EYA2: variants seen among roughly 807,000 people sequenced by gnomAD.
The protein encoded by EYA2 is protein phosphatase EYA2.
A neutral mutation model predicts 69.2 loss-of-function variants in EYA2; 31 were observed. The observed-to-expected ratio is 0.45, with a 90% CI of 0.34 to 0.60. The LOEUF is 0.60. Among genes scored for constraint, EYA2 ranks in the 20% least tolerant of loss-of-function variants. The pLI is 0.02. For missense variants in EYA2, 622 were observed against 701.2 expected (o/e 0.89, Z 1.28); for synonymous variants, 257 against 279.4 (o/e 0.92, Z 0.80).
intron 12 of EYA2, among the ~76,000 whole-genome samples, chr20:47,173,397 C>T (rs1457237236): frequency 6.6e-6 from 1 of 151,056 alleles, no homozygotes; most frequent in Non-Finnish European, 1.5e-5. Flanking sequence ...AGACCAACCA[C>T]ATCAGCATCC....
At chr20:46,931,845 G>A (rs1232754387) in intron 1 of EYA2, among the ~76,000 whole-genome samples, 1 of 152,018 alleles carries the variant, frequency 6.6e-6, no homozygotes. Flanking sequence ...CGTCCAAGCT[G>A]ATCAAGCATT....
chr20:46,954,600 G>A (rs1009010634), intron 1 of EYA2, among the ~76,000 whole-genome samples: 3 of 152,146 alleles, frequency 2.0e-5, no homozygotes, highest in Non-Finnish European at 2.9e-5. Context: ...ATACCATGCC[G>A]ATGAGTGGCC....
At chr20:47,006,360 G>A (rs1568719445) in intron 4 of EYA2, among the ~76,000 whole-genome samples, 1 of 152,234 alleles carries the variant, frequency 6.6e-6, no homozygotes, top group Non-Finnish European at 1.5e-5. Flanking sequence ...AGAAACTACA[G>A]ATAGCCACTC....
In EYA2 at chr20:47,172,561, T is replaced by C. The variant is rs976631441; in HGVS notation, c.1038-146T>C. ...AGCTGTGGTCCTGCTGCCCCCCAAA[T>C]GCACACTCGCAGCACCCTGTGCATT... is the stretch of plus-strand genomic sequence containing the variant. On this transcript the variant is annotated intron_variant, in intron 11 of 15. Coordinates refer to ENST00000327619, the MANE Select transcript of EYA2 (RefSeq NM_005244.5). 5 of 687,816 alleles carry C rather than the reference T, an allele frequency of 7.3e-6. No individual in the cohort carries two copies. The Admixed American group carries it at 1.4e-4, about 20-fold the overall frequency. The allele number at this position is 687,816 out of a possible 1,614,324, so 42.6% of individuals were successfully genotyped here.
intron 9 of EYA2, among the ~76,000 whole-genome samples, chr20:47,097,700 A>G (rs914836231): frequency 3.9e-5 from 6 of 152,226 alleles, no homozygotes; most frequent in Non-Finnish European, 5.9e-5. Context: ...GGCAAATGCT[A>G]TTGGCTGAAT....
At chr20:46,987,278 T>C (rs990921014) in intron 1 of EYA2, among the ~76,000 whole-genome samples, 2 of 152,214 alleles carry the variant, frequency 1.3e-5, no homozygotes, top group African/African-American at 2.4e-5. Context: ...CACTGAAATA[T>C]GAATTTCGTG....
chr20:47,061,103 C>G (rs2030861172), intron 5 of EYA2, among the ~76,000 whole-genome samples: 1 of 152,086 alleles, frequency 6.6e-6, no homozygotes, highest in African/African-American at 2.4e-5. Flanking sequence ...ATCCACCCAC[C>G]TTGGCCTCCC....
chr20:47,136,936 C>T (rs537018292), intron 9 of EYA2, among the ~76,000 whole-genome samples: 4 of 152,154 alleles, frequency 2.6e-5, no homozygotes, highest in East Asian at 3.9e-4. Context: ...CATTAGGGCA[C>T]GCTAAGAAAA....
At chr20:46,940,474 GC>G (rs992209731) in intron 1 of EYA2, among the ~76,000 whole-genome samples, 4 of 152,168 alleles carry the variant, frequency 2.6e-5, no homozygotes, top group African/African-American at 9.7e-5. Flanking sequence ...TAACTGCTCT[GC>G]CAACGCTACT....
In EYA2 at chr20:47,074,154, C is replaced by G. The variant is rs1228279618; in HGVS notation, c.484-4C>G. On this transcript the variant is annotated splice_region_variant and splice_polypyrimidine_tract_variant and intron_variant, in intron 6 of 15. Transcript: ENST00000327619. ...ATGTCCTTGGTTTGTTTTTCTCTTC[C>G]CAGGACTATCCTTCCTACCCCGGCT... The G allele has an allele frequency of 1.2e-6, 2 of 1,606,998 alleles. No individual in the cohort carries two copies. The highest frequency in any genetic ancestry group is 1.7e-5 in the Admixed American group (1 of 59,624).
At chr20:47,011,069 A>G (rs544294002) in intron 4 of EYA2, among the ~76,000 whole-genome samples, 1 of 152,280 alleles carries the variant, frequency 6.6e-6, no homozygotes, top group African/African-American at 2.4e-5. Flanking sequence ...GATTGCAGAC[A>G]TGAGCCACCA....
chr20:46,995,401 A>ATTCC (rs1981953673), intron 2 of EYA2, among the ~76,000 whole-genome samples: 1 of 152,172 alleles, frequency 6.6e-6, no homozygotes, highest in Non-Finnish European at 1.5e-5. Context: ...TTGCAGCCTC[A>ATTCC]TTCCTTTCTG....
At chr20:47,061,847 C>T (rs2030906330) in intron 5 of EYA2, among the ~76,000 whole-genome samples, 1 of 152,168 alleles carries the variant, frequency 6.6e-6, no homozygotes, top group Non-Finnish European at 1.5e-5. Context: ...TCTTAGTCCC[C>T]AAAGGGTTAG....
At chr20:46,950,493 A>G (rs1480035276) in intron 1 of EYA2, among the ~76,000 whole-genome samples, 1 of 152,200 alleles carries the variant, frequency 6.6e-6, no homozygotes, top group African/African-American at 2.4e-5. Flanking sequence ...GTCACTCTGC[A>G]GCATCTGTTC....
intron 5 of EYA2, among the ~76,000 whole-genome samples, chr20:47,018,577 C>T (rs1232087312): frequency 6.6e-6 from 1 of 152,166 alleles, no homozygotes; most frequent in African/African-American, 2.4e-5. Flanking sequence ...AGGAGGCTGC[C>T]ACAGGAGGGG....
chr20:47,092,870 A>G (rs1246813841), intron 8 of EYA2, among the ~76,000 whole-genome samples: 1 of 152,152 alleles, frequency 6.6e-6, no homozygotes, highest in East Asian at 1.9e-4. Context: ...ACGGGAGAGA[A>G]ATTATGTGGA....
At chr20:46,923,095 C>A (rs12481664) in intron 1 of EYA2, among the ~76,000 whole-genome samples, 2 of 152,046 alleles carry the variant, frequency 1.3e-5, no homozygotes, top group African/African-American at 4.8e-5. Flanking sequence ...AGGCCGGGCA[C>A]GGTGGCTAGT....
intron 5 of EYA2, among the ~76,000 whole-genome samples, chr20:47,063,414 T>C (rs1475927984): frequency 6.6e-6 from 1 of 151,692 alleles, no homozygotes; most frequent in African/African-American, 2.4e-5. Context: ...TGTGTGTGTG[T>C]GTGTGTGTGT....
chr20:47,056,015 GAC>G (rs1425878877), intron 5 of EYA2, among the ~76,000 whole-genome samples: 64 of 152,298 alleles, frequency 4.2e-4, no homozygotes, highest in African/African-American at 1.5e-3. Flanking sequence ...GTGTGGCAGA[GAC>G]ACAGTGACAG....
Sources: gnomAD v4.1 joint callset for allele counts (sites outside exome capture counted in the v4.1 genomes callset) on GRCh38, gnomAD v4.1.1 for gene constraint, MANE v1.5 for transcripts, NCBI Gene and HGNC (gene_info 2026-07-23, HGNC 2026-07-21) for gene names.